Variants in BCAR3 observed in about 807,000 individuals in gnomAD.
BCAR3 encodes the protein BCAR3 adaptor protein, NSP family member.
BCAR3 carries 37 observed loss-of-function variants against 80.1 expected under a neutral mutation model. The ratio of observed to expected loss-of-function variants is 0.46; its 90% CI spans 0.36 to 0.61. The LOEUF is 0.61. BCAR3 is among the 20% of genes least tolerant of loss of function. The pLI is 0.00. For missense variants in BCAR3, 978 were observed against 1,068.2 expected (o/e 0.92, Z 1.18); for synonymous variants, 389 against 418.9 (o/e 0.93, Z 0.87).
chr1:93,604,260 G>A (rs1674709992), intron 3 of BCAR3, among the ~76,000 whole-genome samples: 2 of 152,192 alleles, frequency 1.3e-5, no homozygotes, highest in African/African-American at 4.8e-5. Context: ...TCAGACCCTA[G>A]TGCAGACAAG....
In BCAR3 at chr1:93,582,715, G is replaced by A. The variant is rs1042699051; in HGVS notation, c.1272C>T (p.Asn424=). Residue 424 remains asparagine, a synonymous_variant, in exon 7 of 12, where the codon AAC becomes AAT. Coordinates refer to ENST00000260502, the MANE Select transcript of BCAR3 (RefSeq NM_003567.4). ...TCAGTTCACAGTAGTTGGCCTCTGAGTTGAGCCAGGCAGAGGGAGACGAGG... is the reference window on the plus strand; with the variant it reads ...TCAGTTCACAGTAGTTGGCCTCTGAATTGAGCCAGGCAGAGGGAGACGAGG... ...KVPSSPSAWL[N]SEANYCELNP... The A allele has an allele frequency of 2.0e-5, 32 of 1,614,018 alleles. No homozygotes were observed. In the African/African-American group the frequency reaches 4.0e-4, roughly 20 times the overall value.
At chr1:93,815,368 A>G (rs535546197) in intron 2 of BCAR3, among the ~76,000 whole-genome samples, 1 of 152,374 alleles carries the variant, frequency 6.6e-6, no homozygotes, top group South Asian at 2.1e-4. Context: ...AACATTTCTC[A>G]GCATAAACAT....
chr1:93,642,449 T>G (rs1676012857), intron 2 of BCAR3, 106 bp from the exon 3 acceptor site: 13 of 1,131,970 alleles, frequency 1.1e-5, no homozygotes, highest in Non-Finnish European at 1.7e-5. Context: ...GTTACTAAGC[T>G]GGGCCCCATC....
At chr1:93,591,620 G>C (rs536071165) in intron 4 of BCAR3, among the ~76,000 whole-genome samples, 20 of 152,160 alleles carry the variant, frequency 1.3e-4, no homozygotes, top group Non-Finnish European at 2.8e-4. Flanking sequence ...CAATTCTGCA[G>C]ACTTACTCTA....
chr1:93,680,834 CGA>C (rs1344474079), intron 1 of BCAR3, among the ~76,000 whole-genome samples: 1 of 152,162 alleles, frequency 6.6e-6, no homozygotes, highest in African/African-American at 2.4e-5. Context: ...TCCTCCTCGA[CGA>C]GTGTCTACAC....
chr1:93,609,662 T>G (rs965139764), intron 3 of BCAR3, among the ~76,000 whole-genome samples: 1 of 152,122 alleles, frequency 6.6e-6, no homozygotes, highest in Non-Finnish European at 1.5e-5. Context: ...CCATTGTGCT[T>G]TTTACCAAGT....
intron 3 of BCAR3, among the ~76,000 whole-genome samples, chr1:93,610,913 T>C (rs1674928163): frequency 6.6e-6 from 1 of 150,550 alleles, no homozygotes; most frequent in Non-Finnish European, 1.5e-5. Flanking sequence ...CCTGGGCAAC[T>C]ACGTCTCAAA....
At chr1:93,651,473 G>A (rs1352183413) in intron 2 of BCAR3, among the ~76,000 whole-genome samples, 1 of 152,170 alleles carries the variant, frequency 6.6e-6, no homozygotes, top group East Asian at 1.9e-4. Flanking sequence ...AACATTTATT[G>A]AGCATTTACT....
In BCAR3 at chr1:93,835,548, A is replaced by G. The variant is rs1654734276; in HGVS notation, c.-63+10019T>C. ...TCTTCCAGCCTCACAGGCCCATTCT[A>G]TTCTGTCGTCATTTCATAACCTCTT... On this transcript the variant is annotated intron_variant, in intron 2 of 13. Coordinates refer to the BCAR3 transcript ENST00000370244. 2.0e-5 allele frequency among the ~76,000 whole-genome samples: 3 copies of G among 152,268 alleles called. No individual in the cohort carries two copies. In the South Asian group the frequency reaches 6.2e-4, roughly 32 times the overall value.
chr1:93,690,876 T>C (rs147618216), intron 3 of BCAR3, among the ~76,000 whole-genome samples: 85 of 152,278 alleles, frequency 5.6e-4, no homozygotes, highest in African/African-American at 1.9e-3. Context: ...ACTGGCTGCC[T>C]GACATTATTG....
chr1:93,744,808 T>C (rs543166252), intron 2 of BCAR3, among the ~76,000 whole-genome samples: 78 of 152,342 alleles, frequency 5.1e-4, no homozygotes, highest in Non-Finnish European at 8.2e-4. Flanking sequence ...TTTCATGTCT[T>C]CCCCACGAGG....
intron 2 of BCAR3, among the ~76,000 whole-genome samples, chr1:93,665,634 C>T (rs1178253896): frequency 2.0e-5 from 3 of 152,126 alleles, no homozygotes; most frequent in Non-Finnish European, 4.4e-5. Context: ...GTGCAGACTC[C>T]TAACTTTATA....
intron 2 of BCAR3, among the ~76,000 whole-genome samples, chr1:93,768,915 G>C (rs1300460301): frequency 6.6e-6 from 1 of 152,232 alleles, no homozygotes; most frequent in Non-Finnish European, 1.5e-5. Flanking sequence ...AACAGTCACA[G>C]ATGAAAATAA....
chr1:93,695,320 C>T (rs1649350495), intron 3 of BCAR3, among the ~76,000 whole-genome samples: 2 of 152,184 alleles, frequency 1.3e-5, no homozygotes, highest in Non-Finnish European at 2.9e-5. Flanking sequence ...CTAGGGTAAG[C>T]TCAACTTCAT....
intron 2 of BCAR3, among the ~76,000 whole-genome samples, chr1:93,722,975 G>A (rs990557470): frequency 2.0e-5 from 3 of 152,108 alleles, no homozygotes; most frequent in Admixed American, 6.6e-5. Context: ...AAAGGTCACC[G>A]CCTGAAGAAC....
At chr1:93,647,785 T>C (rs997622993) in intron 2 of BCAR3, among the ~76,000 whole-genome samples, 2 of 151,532 alleles carry the variant, frequency 1.3e-5, no homozygotes, top group African/African-American at 4.8e-5. Context: ...TGAAATATGT[T>C]TTTTTTTTTC....
At chr1:93,634,079 C>G (rs569162223) in intron 3 of BCAR3, among the ~76,000 whole-genome samples, 1 of 152,322 alleles carries the variant, frequency 6.6e-6, no homozygotes, top group South Asian at 2.1e-4. Flanking sequence ...CCTGGAAGCT[C>G]CTTGGTGTAC....
chr1:93,724,528 C>T (rs181540674), intron 2 of BCAR3, among the ~76,000 whole-genome samples: 124 of 152,346 alleles, frequency 8.1e-4, no homozygotes, highest in African/African-American at 2.6e-3. Flanking sequence ...GGGGGTGCAT[C>T]AAAGGATCAC....
intron 2 of BCAR3, among the ~76,000 whole-genome samples, chr1:93,840,831 C>T (rs1654933903): frequency 6.6e-6 from 1 of 152,188 alleles, no homozygotes; most frequent in Admixed American, 6.5e-5. Context: ...AAGCTAGGCA[C>T]ATAGTCAAGT....
Sources: allele counts gnomAD v4.1 joint callset (sites outside exome capture counted in the v4.1 genomes callset), GRCh38; gene constraint gnomAD v4.1.1; transcripts MANE v1.5; gene names NCBI Gene and HGNC (gene_info 2026-07-23, HGNC 2026-07-21).